Variants in DLC1 observed in about 807,000 individuals in gnomAD.
DLC1 encodes DLC1 Rho GTPase activating protein.
DLC1 carries 54 observed loss-of-function variants against 140.3 expected under a neutral mutation model. That is an observed-to-expected ratio of 0.38 (90% CI 0.31 to 0.48). DLC1 has a LOEUF of 0.48. Ranked by LOEUF, DLC1 falls within the 20% of genes least tolerant of loss-of-function variation. The pLI is 0.96. For synonymous variants in DLC1, 986 were observed against 728.1 expected, an observed-to-expected ratio of 1.35 and a Z score of -5.70; for missense variants, 2,536 against 1,907.0, an observed-to-expected ratio of 1.33 and a Z score of -6.14.
At chr8:13,594,141 A>G (rs189643211) in intron 1 of DLC1, among the ~76,000 whole-genome samples, 1 of 152,232 alleles carries the variant, frequency 6.6e-6, no homozygotes, top group East Asian at 1.9e-4. Flanking sequence ...AGCCTGGGCA[A>G]CAGAGCGAGA....
chr8:13,343,469 G>A lies in DLC1; in HGVS notation c.1315-38167C>T, dbSNP rs191787244. ...TGGGAGCTAATGTGCTGAAATAAAA[G>A]TTACAAGATGGGGAAGAAATGTATT... On this transcript the variant is annotated intron_variant, in intron 4 of 17. Coordinates refer to ENST00000276297, the MANE Select transcript of DLC1 (RefSeq NM_182643.3). Among the ~76,000 whole-genome samples the A allele has an allele frequency of 5.2e-3, 788 of 152,308 alleles. 4 individuals carry two copies. Among genetic ancestry groups the A allele is most frequent in the Non-Finnish European group, 8.4e-3 (569 of 68,026 alleles).
At chr8:13,120,356 A>AAAAAAAAAATATATATATATATATATAT in intron 5 of DLC1, among the ~76,000 whole-genome samples, 6 of 61,134 alleles carry the variant, frequency 9.8e-5, no homozygotes, top group Non-Finnish European at 1.9e-4. Context: ...AAAAAAAAAA[A>AAAAAAAAAATATATATATATATATATAT]ATATATATAT....
chr8:13,446,135 C>T (rs537450248), intron 2 of DLC1, among the ~76,000 whole-genome samples: 6 of 152,172 alleles, frequency 3.9e-5, no homozygotes, highest in Non-Finnish European at 8.8e-5. Flanking sequence ...CTCTCCCCCC[C>T]TCTGTGTTCC....
intron 5 of DLC1, among the ~76,000 whole-genome samples, chr8:13,159,962 A>C (rs1457733115): frequency 6.6e-6 from 1 of 152,088 alleles, no homozygotes; most frequent in Non-Finnish European, 1.5e-5. Flanking sequence ...GTTCGAGACC[A>C]GCCTGGACAA....
At chr8:13,559,470 T>C (rs1465346179) in intron 1 of DLC1, 2 of 152,224 alleles carry the variant, frequency 1.3e-5, no homozygotes, top group Non-Finnish European at 2.9e-5. Context: ...GGGTGATATT[T>C]TTATGCTTAC....
At position 13,390,996 on chromosome 8, in the gene DLC1, G is replaced by GAA. The variant is rs34458274; in HGVS notation, c.1314+2555_1314+2556dup. ...CGAGACTCCGTCTCAAAAAAAAAAA[G>GAA]AAAAAAAAAAGAAAAAATAGCCTGT... On this transcript the variant is annotated intron_variant, in intron 4 of 17. Transcript: ENST00000276297. Among the ~76,000 whole-genome samples, 595 of 141,252 alleles carry GAA rather than the reference G, an allele frequency of 4.2e-3. 10 individuals are homozygous for GAA. The highest frequency in any genetic ancestry group is 0.017 in the Admixed American group (240 of 13,998). The allele number at this position is 141,252 out of a possible 152,430, so 92.7% of individuals were successfully genotyped here.
At chr8:13,117,778 T>C (rs192377762) in intron 5 of DLC1, among the ~76,000 whole-genome samples, 1 of 152,220 alleles carries the variant, frequency 6.6e-6, no homozygotes, top group Admixed American at 6.5e-5. Flanking sequence ...TGAGCCCACA[T>C]ACAAAAGCCT....
At chr8:13,193,271 G>A (rs1397590419) in intron 5 of DLC1, among the ~76,000 whole-genome samples, 11 of 152,046 alleles carry the variant, frequency 7.2e-5, no homozygotes, top group Admixed American at 7.2e-4. Context: ...TCCTTATCAG[G>A]TCAGTGTTTT....
intron 5 of DLC1, among the ~76,000 whole-genome samples, chr8:13,265,113 C>A (rs139728183): frequency 1.3e-5 from 2 of 152,158 alleles, no homozygotes; most frequent in Admixed American, 6.5e-5. Context: ...TTTTCCTAAG[C>A]TCCATTTAAA....
chr8:13,524,523 A>G (rs1471566056), intron 1 of DLC1, among the ~76,000 whole-genome samples: 2 of 152,186 alleles, frequency 1.3e-5, no homozygotes, highest in Non-Finnish European at 2.9e-5. Context: ...TATCTATGAA[A>G]CAAAAAATTG....
intron 1 of DLC1, among the ~76,000 whole-genome samples, chr8:13,512,125 C>T (rs947640864): frequency 6.6e-6 from 1 of 152,016 alleles, no homozygotes; most frequent in Non-Finnish European, 1.5e-5. Context: ...CACTTTACTG[C>T]ACTTATTTCT....
intron 1 of DLC1, among the ~76,000 whole-genome samples, chr8:13,563,101 CT>C (rs1563442688): frequency 6.6e-6 from 1 of 152,126 alleles, no homozygotes; most frequent in Non-Finnish European, 1.5e-5. Flanking sequence ...ACTTCTCTTC[CT>C]GCTCCTTTTT....
intron 1 of DLC1, chr8:13,557,863 T>C (rs879716094): frequency 5.9e-5 from 9 of 152,250 alleles, no homozygotes; most frequent in Admixed American, 5.2e-4. Context: ...GACAAATCTC[T>C]AAATTTTATT....
chr8:13,561,267 A>C (rs1162461877), intron 1 of DLC1, among the ~76,000 whole-genome samples: 1 of 152,000 alleles, frequency 6.6e-6, no homozygotes, highest in African/African-American at 2.4e-5. Context: ...CTAGAGGTGC[A>C]CACCTGGCTA....
At chr8:13,197,490 A>G (rs1827136502) in intron 5 of DLC1, among the ~76,000 whole-genome samples, 1 of 151,902 alleles carries the variant, frequency 6.6e-6, no homozygotes, top group Admixed American at 6.6e-5. Flanking sequence ...CTGGGACTAC[A>G]GGCCCGCCAA....
chr8:13,110,797 A>G lies in DLC1; in HGVS notation c.1447T>C (p.Leu483=), dbSNP rs896564246. The stretch of plus-strand genomic sequence containing the variant: ...AAAAAATCATGCTCTCTCTTGACCA[A>G]GGAAATATCGATGGGGAACAGGAAA... ...EDFLFPIDIS[L]VKREHDFLDR... The change falls in exon 7 of 18, where the codon TTG becomes CTG. Residue 483 remains leucine, a synonymous_variant. Coordinates refer to ENST00000276297, the MANE Select transcript of DLC1 (RefSeq NM_182643.3). 3 of 1,614,024 alleles carry G rather than the reference A, an allele frequency of 1.9e-6. No individual in the cohort carries two copies. Among genetic ancestry groups the G allele is most frequent in the African/African-American group, 1.3e-5 (1 of 74,932 alleles).
intron 5 of DLC1, among the ~76,000 whole-genome samples, chr8:13,122,025 T>C (rs532312825): frequency 1.3e-5 from 2 of 152,158 alleles, no homozygotes; most frequent in Non-Finnish European, 2.9e-5. Context: ...CCTGGACTTT[T>C]TCACCCTTGG....
chr8:13,459,446 T>A (rs1443740389), intron 2 of DLC1, among the ~76,000 whole-genome samples: 4 of 152,214 alleles, frequency 2.6e-5, no homozygotes, highest in African/African-American at 9.6e-5. Flanking sequence ...GTTTTTTCCC[T>A]CTCCTTCCTC....
chr8:13,291,048 C>T (rs1192243455), intron 5 of DLC1, among the ~76,000 whole-genome samples: 1 of 152,184 alleles, frequency 6.6e-6, no homozygotes, highest in Non-Finnish European at 1.5e-5. Flanking sequence ...GCTGCGATTA[C>T]AAGTATGTGC....
Sources: gnomAD v4.1 joint callset for allele counts (sites outside exome capture counted in the v4.1 genomes callset) on GRCh38, gnomAD v4.1.1 for gene constraint, MANE v1.5 for transcripts, NCBI Gene and HGNC (gene_info 2026-07-23, HGNC 2026-07-21) for gene names.